The following LMO7 variants were observed in gnomAD, a reference collection of about 807,000 sequenced individuals.
The protein encoded by LMO7 is LIM domain 7, also known as LIM domain only protein 7.
LMO7 carries 120 observed loss-of-function variants against 206.5 expected under a neutral mutation model. That is an observed-to-expected ratio of 0.58 (90% confidence interval 0.50 to 0.68). The LOEUF (loss-of-function observed/expected upper bound fraction) is 0.68. Among genes scored for constraint, LMO7 ranks in the 30% least tolerant of loss-of-function variants. The pLI is 0.00. For missense variants in LMO7, 1,959 were observed against 1,957.9 expected (o/e 1.00, Z -0.01); for synonymous variants, 706 against 681.5 (o/e 1.04, Z -0.56).
chr13:75,812,882 C>G lies in LMO7; in HGVS notation c.1946+3699C>G, dbSNP rs570719758. On this transcript the variant is annotated intron_variant, in intron 11 of 30. Coordinates refer to ENST00000377534, the MANE Select transcript of LMO7 (RefSeq NM_001306080.2). ...CATACGATGTGATTTGCCAGCTAAT[C>G]ATCCTTCATTCAACACAACATACTA... Among the ~76,000 whole-genome samples, 7 of 152,352 alleles carry G rather than the reference C, an allele frequency of 4.6e-5. No homozygotes were observed. The South Asian group carries it at 1.5e-3, about 32-fold the overall frequency.
intron 1 of LMO7, among the ~76,000 whole-genome samples, chr13:75,709,483 T>C (rs953967783): frequency 6.6e-6 from 1 of 151,468 alleles, no homozygotes; most frequent in African/African-American, 2.4e-5. Context: ...TTTTAATGAT[T>C]GCCATTCTAA....
intron 4 of LMO7, among the ~76,000 whole-genome samples, chr13:75,783,799 C>T (rs2051943996): frequency 6.6e-6 from 1 of 152,112 alleles, no homozygotes; most frequent in African/African-American, 2.4e-5. Flanking sequence ...GTAGGTCTTG[C>T]CCTTTGGTCT....
rs189306693 is a variant in LMO7 at position 75,770,427 on chromosome 13, A to G, written c.317+9389A>G. 1.7e-3 allele frequency among the ~76,000 whole-genome samples: 264 copies of G among 152,124 alleles called. 6 individuals carry two copies. Among genetic ancestry groups the G allele is most frequent in the Admixed American group, 0.017 (262 of 15,240 alleles). Reference sequence around the variant, plus strand: ...GGACCTTTTGTCTTGTGCCTTGTCAATAGCATCCACTGAATATTTCATATT... The same window carrying G: ...GGACCTTTTGTCTTGTGCCTTGTCAGTAGCATCCACTGAATATTTCATATT... On this transcript the variant is annotated intron_variant, in intron 4 of 30. Transcript: ENST00000377534.
intron 15 of LMO7, among the ~76,000 whole-genome samples, chr13:75,824,581 T>A (rs955836994): frequency 2.0e-5 from 3 of 152,160 alleles, no homozygotes; most frequent in African/African-American, 7.2e-5. Context: ...AATAAATGTT[T>A]TTTGTAGCCT....
At chr13:75,705,204 G>A (rs2042568029) in intron 1 of LMO7, among the ~76,000 whole-genome samples, 1 of 151,256 alleles carries the variant, frequency 6.6e-6, no homozygotes, top group Non-Finnish European at 1.5e-5. Context: ...ATGGCTGGAA[G>A]CACGAGCCTA....
At chr13:75,736,657 A>G (rs1381458946) in intron 3 of LMO7, among the ~76,000 whole-genome samples, 4 of 152,254 alleles carry the variant, frequency 2.6e-5, no homozygotes, top group African/African-American at 9.6e-5. Flanking sequence ...GCAAACAAGC[A>G]AGAAAGCATC....
chr13:75,845,314 T>G lies in LMO7; in HGVS notation c.4098-13T>G. ...AATGAGACATATTTAATATATTGTG[T>G]TCTGTGTTTTAGGAATAAATCCAGA... On this transcript the variant is annotated splice_polypyrimidine_tract_variant and intron_variant, in intron 25 of 30. Coordinates refer to ENST00000377534, the MANE Select transcript of LMO7 (RefSeq NM_001306080.2). 1 of 1,409,158 alleles carries G rather than the reference T, an allele frequency of 7.1e-7. No homozygotes were observed. The highest frequency in any genetic ancestry group is 1.0e-6 in the Non-Finnish European group (1 of 1,000,808). 87.3% of individuals were successfully genotyped at this position (1,409,158 alleles called of 1,614,324 possible). A position where few individuals can be genotyped will look rare whatever the true frequency, so the allele number is the denominator to read the frequency against.
At chr13:75,758,291 C>T (rs1419748928) in intron 3 of LMO7, among the ~76,000 whole-genome samples, 1 of 152,050 alleles carries the variant, frequency 6.6e-6, no homozygotes, top group Non-Finnish European at 1.5e-5. Context: ...GAAGTTTTAA[C>T]TGTCATGAAA....
intron 9 of LMO7, chr13:75,807,082 C>G: frequency 5.7e-6 from 1 of 176,276 alleles, no homozygotes; most frequent in Non-Finnish European, 1.2e-5. Context: ...GATGGCGCCA[C>G]TGCACTCAGC....
intron 3 of LMO7, among the ~76,000 whole-genome samples, chr13:75,731,789 A>G (rs2045259126): frequency 6.6e-6 from 1 of 151,872 alleles, no homozygotes; most frequent in African/African-American, 2.4e-5. Flanking sequence ...TTCCATGTTT[A>G]GCGCTTCCTT....
At chr13:75,682,264 C>T (rs1249086127) in intron 1 of LMO7, among the ~76,000 whole-genome samples, 1 of 152,146 alleles carries the variant, frequency 6.6e-6, no homozygotes. Context: ...AGTTGGAGCA[C>T]CTAGCATCCT....
intron 4 of LMO7, among the ~76,000 whole-genome samples, chr13:75,780,611 G>A (rs574416544): frequency 1.3e-5 from 2 of 152,184 alleles, no homozygotes; most frequent in South Asian, 2.1e-4. Context: ...ATCAAGAGGC[G>A]ACATACATCC....
At chr13:75,622,715 G>A (rs2033477083) in intron 1 of LMO7, among the ~76,000 whole-genome samples, 1 of 152,094 alleles carries the variant, frequency 6.6e-6, no homozygotes, top group Non-Finnish European at 1.5e-5. Context: ...GCATACTAAT[G>A]GGTCTTGATT....
At chr13:75,738,712 A>T (rs976773456) in intron 3 of LMO7, among the ~76,000 whole-genome samples, 61 of 152,138 alleles carry the variant, frequency 4.0e-4, no homozygotes, top group Admixed American at 2.5e-3. Flanking sequence ...GATTTTTTTT[A>T]AAAAACCCAA....
chr13:75,699,031 A>G (rs1384958381), intron 1 of LMO7, among the ~76,000 whole-genome samples: 2 of 152,106 alleles, frequency 1.3e-5, no homozygotes, highest in Non-Finnish European at 2.9e-5. Context: ...GGATTACCTT[A>G]TTCTGGACAT....
In LMO7 at chr13:75,834,296, A is replaced by T; in HGVS notation, c.3135A>T (p.Ser1045=). ...EIIAINNTKF[S]YNDSKEWEEA... ...TTGCTATTAACAACACCAAGTTTTC[A>T]TATAACGATTCAAAAGAGTGGGAGG... The change falls in exon 17 of 31, where the codon TCA becomes TCT. Residue 1045 remains serine (S), a synonymous_variant. Coordinates refer to ENST00000377534, the MANE Select transcript of LMO7 (RefSeq NM_001306080.2). 6.2e-7 allele frequency: 1 copy of T among 1,611,740 alleles called. No individual in the cohort carries two copies.
intron 15 of LMO7, among the ~76,000 whole-genome samples, chr13:75,831,173 A>AT (rs1400674419): frequency 6.6e-6 from 1 of 152,196 alleles, no homozygotes; most frequent in Admixed American, 6.5e-5. Flanking sequence ...AACGAGTGTT[A>AT]TGACTACATC....
At chr13:75,672,948 T>C (rs2039715861) in intron 1 of LMO7, among the ~76,000 whole-genome samples, 1 of 152,222 alleles carries the variant, frequency 6.6e-6, no homozygotes, top group African/African-American at 2.4e-5. Flanking sequence ...TGTGTTTTGT[T>C]TTCTATGAAA....
intron 4 of LMO7, among the ~76,000 whole-genome samples, chr13:75,777,633 G>T (rs2050686842): frequency 6.9e-6 from 1 of 144,570 alleles, no homozygotes. Flanking sequence ...ATTTACTTCT[G>T]ATTTTCTTTT....
Sources: gnomAD v4.1 joint callset for allele counts (sites outside exome capture counted in the v4.1 genomes callset) on GRCh38, gnomAD v4.1.1 for gene constraint, MANE v1.5 for transcripts, NCBI Gene and HGNC (gene_info 2026-07-23, HGNC 2026-07-21) for gene names.